Variants in TENM3 observed in about 807,000 individuals in gnomAD.
The protein encoded by TENM3 is teneurin transmembrane protein 3.
A neutral mutation model predicts 255.1 loss-of-function variants in TENM3; 63 were observed. The observed-to-expected ratio is 0.25, with a 90% CI of 0.20 to 0.30. The LOEUF is 0.30. Ranked by LOEUF, TENM3 falls within the 10% of genes least tolerant of loss-of-function variation. The probability of loss-of-function intolerance (pLI) is 1.00; values close to 1 mark genes in which losing one functional copy is unlikely to be tolerated. For missense variants in TENM3, 2,929 were observed against 3,461.1 expected (o/e 0.85, Z 3.86); for synonymous variants, 1,306 against 1,322.3 (o/e 0.99, Z 0.27).
intron 3 of TENM3, among the ~76,000 whole-genome samples, chr4:182,356,807 G>A (rs894046172): frequency 3.3e-5 from 5 of 151,586 alleles, no homozygotes; most frequent in Admixed American, 1.3e-4. Context: ...ATGCTGGTGT[G>A]CTGCACCCAC....
chr4:182,157,270 G>T (rs1750779628), intron 1 of TENM3, among the ~76,000 whole-genome samples: 1 of 152,192 alleles, frequency 6.6e-6, no homozygotes, highest in South Asian at 2.1e-4. Flanking sequence ...CCCAGTCGAG[G>T]CCGGAGATAC....
intron 3 of TENM3, among the ~76,000 whole-genome samples, chr4:182,536,891 A>G (rs942641976): frequency 6.6e-6 from 1 of 152,166 alleles, no homozygotes; most frequent in African/African-American, 2.4e-5. Context: ...TGTTTATTAA[A>G]TAGTTTTTTA....
the TENM3 span, among the ~76,000 whole-genome samples, chr4:181,686,052 A>AT: frequency 6.6e-6 from 1 of 152,062 alleles, no homozygotes; most frequent in East Asian, 1.9e-4. Context: ...CAGTATGCAT[A>AT]TTTTTTCTGA....
intron 1 of TENM3, among the ~76,000 whole-genome samples, chr4:182,223,327 A>G (rs1358968802): frequency 6.6e-6 from 1 of 152,166 alleles, no homozygotes; most frequent in African/African-American, 2.4e-5. Context: ...TAAAATCAGT[A>G]CTGGATTTCA....
intron 3 of TENM3, among the ~76,000 whole-genome samples, chr4:182,521,277 A>G (rs369969119): frequency 7.2e-5 from 11 of 152,338 alleles, no homozygotes; most frequent in African/African-American, 1.9e-4. Flanking sequence ...AGGAAGATCT[A>G]TCCCATCTTA....
At chr4:182,269,482 C>T (rs932702060) in intron 1 of TENM3, among the ~76,000 whole-genome samples, 10 of 152,236 alleles carry the variant, frequency 6.6e-5, no homozygotes, top group African/African-American at 2.4e-4. Flanking sequence ...ATTAAGTAGA[C>T]GATCACTGAG....
chr4:182,024,119 A>C, the TENM3 span, among the ~76,000 whole-genome samples: 1 of 152,150 alleles, frequency 6.6e-6, no homozygotes, highest in Non-Finnish European at 1.5e-5. Context: ...GGGAAAAAAC[A>C]ACATTCAAAA....
intron 4 of TENM3, among the ~76,000 whole-genome samples, chr4:182,615,043 AT>A: frequency 3.6e-5 from 1 of 27,764 alleles, no homozygotes; most frequent in South Asian, 4.3e-3. Flanking sequence ...AAAAAAAAAA[AT>A]ACATATATAT....
At chr4:182,630,782 T>A (rs1386853474) in intron 5 of TENM3, among the ~76,000 whole-genome samples, 2 of 151,862 alleles carry the variant, frequency 1.3e-5, no homozygotes, top group Non-Finnish European at 2.9e-5. Context: ...ATTTTTTTTT[T>A]ACTAAATGGG....
At chr4:181,942,269 C>CTTTTTTTTT in the TENM3 span, among the ~76,000 whole-genome samples, 1 of 106,150 alleles carries the variant, frequency 9.4e-6, no homozygotes. Flanking sequence ...GATGTTGGGC[C>CTTTTTTTTT]TTTTTTTTTT....
intron 1 of TENM3, among the ~76,000 whole-genome samples, chr4:182,318,522 A>T (rs1009599533): frequency 3.3e-5 from 5 of 152,156 alleles, no homozygotes; most frequent in Admixed American, 3.3e-4. Context: ...AAAGGATAGG[A>T]TCAACCTAAG....
chr4:182,621,703 AAAATAT>A (rs1750219623), intron 4 of TENM3, among the ~76,000 whole-genome samples: 4 of 392 alleles, frequency 0.01, no homozygotes, highest in African/African-American at 0.012. Context: ...TATTATATAT[AAAATAT>A]ATAATATATA....
At chr4:182,004,944 G>A in the TENM3 span, among the ~76,000 whole-genome samples, 1 of 152,074 alleles carries the variant, frequency 6.6e-6, no homozygotes, top group South Asian at 2.1e-4. Flanking sequence ...ATATGTTTAC[G>A]TTCCTTGTAA....
the TENM3 span, among the ~76,000 whole-genome samples, chr4:181,655,417 A>G: frequency 6.6e-6 from 1 of 152,210 alleles, no homozygotes; most frequent in African/African-American, 2.4e-5. Context: ...ATTGACTCTG[A>G]CACAACAAAG....
At chr4:182,099,218 C>T in the TENM3 span, among the ~76,000 whole-genome samples, 68 of 152,134 alleles carry the variant, frequency 4.5e-4, no homozygotes, top group African/African-American at 1.6e-3. Context: ...CCCACCTTGG[C>T]CTCCCAAAGT....
chr4:182,221,797 T>C (rs1377575182), intron 1 of TENM3, among the ~76,000 whole-genome samples: 1 of 152,244 alleles, frequency 6.6e-6, no homozygotes, highest in East Asian at 1.9e-4. Context: ...TAAGACATTT[T>C]CAGCGTATCA....
In TENM3 at chr4:182,712,642, A is replaced by T. The variant is rs542053871; in HGVS notation, c.2222-1445A>T. 7.2e-5 allele frequency among the ~76,000 whole-genome samples: 11 copies of T among 152,226 alleles called. No individual in the cohort carries two copies. In the South Asian group the frequency reaches 2.3e-3, roughly 32 times the overall value. ...TTTCTGTTAACTCTAATCTTAAGAG[A>T]CAGAATGTCTCTTGGCGATATTTTC... is the stretch of plus-strand genomic sequence containing the variant. On this transcript the variant is annotated intron_variant, in intron 12 of 27. Transcript: ENST00000511685.
the TENM3 span, among the ~76,000 whole-genome samples, chr4:181,605,557 AGAAAGAAAGAAAGAGAGAGAAAGAAAG>A: frequency 4.2e-4 from 12 of 28,684 alleles, no homozygotes; most frequent in African/African-American, 9.0e-4. Context: ...AAAGAAAGAA[AGAAAGAAAGAAAGAGAGAGAAAGAAAG>A]GAAAGAAAGA....
the TENM3 span, among the ~76,000 whole-genome samples, chr4:181,928,869 C>CAA: frequency 2.0e-5 from 3 of 152,088 alleles, no homozygotes; most frequent in Non-Finnish European, 4.4e-5. Flanking sequence ...GAGTGGGGGC[C>CAA]AATATTCAAC....
Sources: allele counts gnomAD v4.1 joint callset (sites outside exome capture counted in the v4.1 genomes callset), GRCh38; gene constraint gnomAD v4.1.1; transcripts MANE v1.5; gene names NCBI Gene and HGNC (gene_info 2026-07-23, HGNC 2026-07-21).